The following FAM107B variants were observed in gnomAD, a reference collection of about 807,000 sequenced individuals.
FAM107B encodes family with sequence similarity 107 member B, also known as protein FAM107B.
A neutral mutation model predicts 31.5 loss-of-function variants in FAM107B; 21 were observed. The ratio of observed to expected loss-of-function variants is 0.67; its 90% CI spans 0.47 to 0.96. FAM107B has a LOEUF of 0.96. FAM107B is among the 40% of genes least tolerant of loss of function. FAM107B has a pLI of 0.00. For synonymous variants in FAM107B, 157 were observed against 141.5 expected (o/e 1.11, Z -0.78); for missense variants, 452 against 377.1 (o/e 1.20, Z -1.64).
At chr10:14,751,135 C>T (rs1832819389) in intron 1 of FAM107B, among the ~76,000 whole-genome samples, 1 of 152,224 alleles carries the variant, frequency 6.6e-6, no homozygotes, top group African/African-American at 2.4e-5. Context: ...ATGGGCTCTG[C>T]ACATCTGCTG....
chr10:14,701,514 G>C (rs1855398199), intron 1 of FAM107B, among the ~76,000 whole-genome samples: 2 of 152,092 alleles, frequency 1.3e-5, no homozygotes, highest in African/African-American at 4.8e-5. Context: ...CAAAGTGCTG[G>C]GATCATAGGC....
intron 3 of FAM107B, among the ~76,000 whole-genome samples, chr10:14,527,620 G>A (rs1266860338): frequency 2.0e-5 from 3 of 152,240 alleles, no homozygotes; most frequent in Non-Finnish European, 2.9e-5. Flanking sequence ...TTACTCACCT[G>A]AGTGAGGGTA....
intron 2 of FAM107B, among the ~76,000 whole-genome samples, chr10:14,613,758 C>T (rs1852783943): frequency 6.6e-6 from 1 of 152,220 alleles, no homozygotes. Context: ...AAACAGGCCA[C>T]ATCAGCTAGG....
intron 2 of FAM107B, among the ~76,000 whole-genome samples, chr10:14,630,914 C>G (rs548655396): frequency 6.6e-6 from 1 of 151,928 alleles, no homozygotes; most frequent in African/African-American, 2.4e-5. Context: ...AGTAAAGGAC[C>G]TTCAAATGCT....
intron 1 of FAM107B, among the ~76,000 whole-genome samples, chr10:14,683,509 A>G (rs1854896468): frequency 6.6e-6 from 1 of 152,256 alleles, no homozygotes; most frequent in South Asian, 2.1e-4. Flanking sequence ...TCTTTTGGCT[A>G]CAATTCAACC....
intron 1 of FAM107B, among the ~76,000 whole-genome samples, chr10:14,684,636 G>A (rs759929609): frequency 4.6e-5 from 7 of 152,032 alleles, no homozygotes; most frequent in South Asian, 2.1e-4. Flanking sequence ...AAAGGATCCC[G>A]TAAATACATT....
At chr10:14,531,146 C>A (rs1462737328) in intron 2 of FAM107B, among the ~76,000 whole-genome samples, 1 of 152,206 alleles carries the variant, frequency 6.6e-6, no homozygotes, top group African/African-American at 2.4e-5. Context: ...GCCTCTGTGA[C>A]CACCAATCAC....
intron 1 of FAM107B, among the ~76,000 whole-genome samples, chr10:14,772,065 A>G (rs1833316117): frequency 6.6e-6 from 1 of 152,134 alleles, no homozygotes; most frequent in African/African-American, 2.4e-5. Context: ...CACCATAAGA[A>G]TATGCACTGG....
intron 2 of FAM107B, among the ~76,000 whole-genome samples, chr10:14,656,154 C>T (rs1008047307): frequency 2.6e-5 from 4 of 152,186 alleles, no homozygotes; most frequent in African/African-American, 9.7e-5. Flanking sequence ...GTTCTGGCCC[C>T]TGTGCTCCTC....
At chr10:14,676,882 C>G (rs1041643091) in intron 1 of FAM107B, among the ~76,000 whole-genome samples, 1 of 152,214 alleles carries the variant, frequency 6.6e-6, no homozygotes, top group African/African-American at 2.4e-5. Flanking sequence ...ACAGATAGCT[C>G]TCAGCTGTCA....
chr10:14,723,736 G>A (rs554126665), intron 1 of FAM107B: 1 of 757,896 alleles, frequency 1.3e-6, no homozygotes, highest in East Asian at 2.4e-5. Flanking sequence ...GTTAGTGAAG[G>A]TTCCAGGGGT....
rs200801442 is a variant in FAM107B, at chr10:14,681,567, CG to C, written c.412-13877del. ...CATCTTGGGTCGCATACTTGCCCCTCGTCACATGCTCATGACCGTCACCGCA... is the reference window on the plus strand; with the variant it reads ...CATCTTGGGTCGCATACTTGCCCCTCTCACATGCTCATGACCGTCACCGCA... On this transcript the variant is annotated intron_variant, in intron 1 of 4. Coordinates refer to ENST00000181796, the MANE Select transcript of FAM107B (RefSeq NM_031453.4). Among the ~76,000 whole-genome samples the C allele has an allele frequency of 2.6e-3, 403 of 152,300 alleles. 7 individuals carry two copies. The East Asian group carries it at 0.037, about 14-fold the overall frequency.
At chr10:14,540,802 G>A (rs972511288) in intron 2 of FAM107B, among the ~76,000 whole-genome samples, 1 of 152,164 alleles carries the variant, frequency 6.6e-6, no homozygotes, top group East Asian at 1.9e-4. Context: ...GTGTCAAGTT[G>A]AGCTCCCCTT....
chr10:14,606,926 C>T (rs1852607108), intron 2 of FAM107B, among the ~76,000 whole-genome samples: 1 of 152,214 alleles, frequency 6.6e-6, no homozygotes, highest in African/African-American at 2.4e-5. Flanking sequence ...TATTCTGTTA[C>T]AGCAGCCCCA....
At chr10:14,736,601 A>G (rs1588742910) in intron 1 of FAM107B, among the ~76,000 whole-genome samples, 1 of 152,204 alleles carries the variant, frequency 6.6e-6, no homozygotes, top group South Asian at 2.1e-4. Context: ...AATCTCCTTC[A>G]TTGGTCCTAT....
intron 2 of FAM107B, among the ~76,000 whole-genome samples, chr10:14,577,139 T>A (rs1851490095): frequency 6.6e-6 from 1 of 152,260 alleles, no homozygotes; most frequent in Non-Finnish European, 1.5e-5. Flanking sequence ...TGGATATGCC[T>A]CCTTGCCTCA....
intron 2 of FAM107B, among the ~76,000 whole-genome samples, chr10:14,631,770 G>A (rs770024949): frequency 6.6e-6 from 1 of 152,124 alleles, no homozygotes; most frequent in Non-Finnish European, 1.5e-5. Flanking sequence ...CCCATGCCAT[G>A]AGCATTCCTC....
intron 1 of FAM107B, among the ~76,000 whole-genome samples, chr10:14,752,630 G>C (rs1832852878): frequency 6.6e-6 from 1 of 152,120 alleles, no homozygotes; most frequent in African/African-American, 2.4e-5. Context: ...TAAGATGAAT[G>C]CATCAGACTC....
chr10:14,575,385 T>C (rs1289798224), intron 2 of FAM107B, among the ~76,000 whole-genome samples: 1 of 152,122 alleles, frequency 6.6e-6, no homozygotes, highest in Non-Finnish European at 1.5e-5. Flanking sequence ...GTATTTTTAG[T>C]AGAGAAGGCA....
Sources: allele counts gnomAD v4.1 joint callset (sites outside exome capture counted in the v4.1 genomes callset), GRCh38; gene constraint gnomAD v4.1.1; transcripts MANE v1.5; gene names NCBI Gene and HGNC (gene_info 2026-07-23, HGNC 2026-07-21).